The following GRHL3 variants were observed in gnomAD, a reference collection of about 807,000 sequenced individuals.
GRHL3 encodes grainyhead like transcription factor 3, also known as grainyhead-like protein 3 homolog.
GRHL3 carries 20 observed loss-of-function variants against 70.3 expected under a neutral mutation model. The observed-to-expected ratio is 0.28, with a 90% confidence interval of 0.20 to 0.41. The LOEUF (loss-of-function observed/expected upper bound fraction) is 0.41. Ranked by LOEUF, GRHL3 falls within the 10% of genes least tolerant of loss-of-function variation. GRHL3 has a pLI of 1.00. For missense variants in GRHL3, 637 were observed against 762.3 expected, an observed-to-expected ratio of 0.84 and a Z score of 1.94; for synonymous variants, 299 against 299.9, an observed-to-expected ratio of 1.00 and a Z score of 0.03.
intron 12 of GRHL3, 53 bp downstream of exon 12, chr1:24,344,984 C>T: frequency 3.8e-6 from 2 of 525,628 alleles, no homozygotes; most frequent in Non-Finnish European, 5.0e-6. Context: ...ACCCTCCACA[C>T]CTGTGCCCCC....
At chr1:24,325,424 CT>C (rs1454252412) in intron 1 of GRHL3, among the ~76,000 whole-genome samples, 1 of 152,226 alleles carries the variant, frequency 6.6e-6, no homozygotes, top group East Asian at 1.9e-4. Context: ...CCTCTGAGGT[CT>C]GTCTGCATCC....
chr1:24,363,392 C>T (rs935957618), intron 15 of GRHL3, among the ~76,000 whole-genome samples: 12 of 152,306 alleles, frequency 7.9e-5, no homozygotes, highest in African/African-American at 1.4e-4. Flanking sequence ...TACTAAGACA[C>T]GGACTTGAGT....
chr1:24,319,471 G>C lies in GRHL3; in HGVS notation c.-81G>C. On this transcript the variant is annotated 5_prime_UTR_variant, in exon 1 of 16. Transcript: ENST00000361548. ...TAAATCAAACACTTTCCCGGGCAGA[G>C]AATGTCTGTGTCAGGCAAGAATTAG... 1 of 1,376,022 alleles carries C rather than the reference G, an allele frequency of 7.3e-7. No individual in the cohort carries two copies. The highest frequency in any genetic ancestry group is 1.0e-6 in the Non-Finnish European group (1 of 963,486). 85.2% of individuals were successfully genotyped at this position (1,376,022 alleles called of 1,614,324 possible). A position where few individuals can be genotyped will look rare whatever the true frequency, so the allele number is the denominator to read the frequency against.
rs373505667 is a variant in GRHL3 at position 24,342,330 on chromosome 1, C to T, written c.1206+57C>T. 143 of 1,441,020 alleles carry T rather than the reference C, an allele frequency of 9.9e-5. No homozygotes were observed. The highest frequency in any genetic ancestry group is 1.3e-4 in the Non-Finnish European group (133 of 1,056,348). 89.3% of individuals were successfully genotyped at this position (1,441,020 alleles called of 1,614,324 possible). On this transcript the variant is annotated intron_variant, in intron 9 of 15. Coordinates refer to ENST00000361548, the MANE Select transcript of GRHL3 (RefSeq NM_198173.3). This position sits in a 1 kb window ranked among gnomAD's most constrained non-coding sequence, Gnocchi z 4.8. ...CCCGGGGAGGTAGAAGGGCCAAACC[C>T]TGACCCGTGCGTCCTCCTAGCTTCT...
chr1:24,340,682 G>A (rs1640003753), intron 8 of GRHL3, among the ~76,000 whole-genome samples: 1 of 152,210 alleles, frequency 6.6e-6, no homozygotes, highest in Admixed American at 6.5e-5. Context: ...AGAGGCTGGG[G>A]AGCTAACCCC....
intron 11 of GRHL3, among the ~76,000 whole-genome samples, chr1:24,343,938 G>T (rs1640145596): frequency 6.6e-6 from 1 of 152,178 alleles, no homozygotes; most frequent in African/African-American, 2.4e-5. Flanking sequence ...CACTGTCTGT[G>T]TCCCTCCTCT....
chr1:24,354,573 C>G lies in GRHL3; in HGVS notation c.*85C>G. 1.2e-6 allele frequency: 1 copy of G among 822,768 alleles called. No homozygotes were observed. Among genetic ancestry groups the G allele is most frequent in the Non-Finnish European group, 2.1e-6 (1 of 483,896 alleles). 51.0% of individuals were successfully genotyped at this position (822,768 alleles called of 1,614,324 possible). ...CGCCACACACAACCTCTCCACATGC[C>G]TCAGCGCTGTTACTTGAATGCCTTC... On this transcript the variant is annotated 3_prime_UTR_variant, in exon 16 of 16. Transcript: ENST00000361548.
At position 24,350,605 on chromosome 1, in the gene GRHL3, G is replaced by C. The variant is rs11249091; in HGVS notation, c.1694+483G>C. Among the ~76,000 whole-genome samples the C allele has an allele frequency of 6.3e-3, 958 of 152,334 alleles. 10 individuals are homozygous for C. Among genetic ancestry groups the C allele is most frequent in the African/African-American group, 0.022 (911 of 41,568 alleles). ...GGTAATAAGCAGTGTTCAGGGGCAG[G>C]AGAAGTGGATCAAAGGCATGAGGCA... On this transcript the variant is annotated intron_variant, in intron 15 of 15. Coordinates refer to ENST00000361548, the MANE Select transcript of GRHL3 (RefSeq NM_198173.3).
chr1:24,358,391 A>T (rs1321775703), downstream of GRHL3: 1 of 740,396 alleles, frequency 1.4e-6, no homozygotes, highest in South Asian at 1.4e-5. Context: ...CAATGGCAGC[A>T]GTCCGGCTAG....
In GRHL3 at chr1:24,342,670, A is replaced by G. The variant is rs1217438957; in HGVS notation, c.1207-24A>G. On this transcript the variant is annotated intron_variant, in intron 9 of 15. Coordinates refer to ENST00000361548, the MANE Select transcript of GRHL3 (RefSeq NM_198173.3). This position sits in a 1 kb window ranked among gnomAD's most constrained non-coding sequence, Gnocchi z 4.8. ...GCTAGCCCCTCCCAGGCCCTTGGTG[A>G]CCCTCTCTCCTTCTCCCCTGCAGGG... The G allele has an allele frequency of 6.2e-7, 1 of 1,609,898 alleles. No homozygotes were observed. Among genetic ancestry groups the G allele is most frequent in the Non-Finnish European group, 8.5e-7 (1 of 1,176,270 alleles).
chr1:24,339,089 C>T (rs955556113), intron 7 of GRHL3, among the ~76,000 whole-genome samples: 3 of 152,190 alleles, frequency 2.0e-5, no homozygotes, highest in Admixed American at 1.3e-4. Flanking sequence ...ATAACCTCTA[C>T]CCCCAACATG....
At chr1:24,319,822 A>G in intron 1 of GRHL3, 1 of 1,157,892 alleles carries the variant, frequency 8.6e-7, no homozygotes, top group Non-Finnish European at 1.2e-6. Flanking sequence ...GGGAAACACA[A>G]GACTGAAACT....
chr1:24,353,495 G>T (rs1467772474), intron 15 of GRHL3, among the ~76,000 whole-genome samples: 2 of 149,360 alleles, frequency 1.3e-5, no homozygotes, highest in African/African-American at 5.0e-5. Context: ...GTAGATGGGG[G>T]TGTGTATGGG....
exon 16 of GRHL3, chr1:24,364,305 G>C (rs1641312321): frequency 1.3e-6 from 2 of 1,549,692 alleles, no homozygotes; most frequent in Non-Finnish European, 1.7e-6. Context: ...GGAGGCAGAG[G>C]GACCTGGATT....
chr1:24,322,922 A>G lies in GRHL3; in HGVS notation c.17+3354A>G. On this transcript the variant is annotated intron_variant, in intron 1 of 15. Transcript: ENST00000361548. This position sits in a 1 kb window ranked among gnomAD's most constrained non-coding sequence, Gnocchi z 4.4. ...TGCAGTTTTGCCGAAGAGGGGACCC[A>G]GACCTGGTTCAGGCTTGCCCAAGGT... is the stretch of plus-strand genomic sequence containing the variant. 4.8e-6 allele frequency: 3 copies of G among 621,224 alleles called. No homozygotes were observed. Among genetic ancestry groups the G allele is most frequent in the Non-Finnish European group, 8.5e-6 (3 of 350,902 alleles). 38.5% of individuals were successfully genotyped at this position (621,224 alleles called of 1,614,324 possible). A position where few individuals can be genotyped will look rare whatever the true frequency, so the allele number is the denominator to read the frequency against.
intron 15 of GRHL3, chr1:24,361,010 G>T: frequency 6.2e-7 from 1 of 1,612,816 alleles, no homozygotes; most frequent in Non-Finnish European, 8.5e-7. Context: ...AGAGGCGAAG[G>T]CTGAGCAGAG....
At position 24,338,093 on chromosome 1, in the gene GRHL3, C is replaced by T; in HGVS notation, c.942C>T (p.Val314=). Residue 314 remains valine, a synonymous_variant, in exon 7 of 16, where the codon GTC becomes GTT. Coordinates refer to ENST00000361548, the MANE Select transcript of GRHL3 (RefSeq NM_198173.3). ...GGCAACCCACTGCCAAGCAGCGGGT[C>T]ATTGACGTGGGTGAGAGCCTTCTCA... The part of the protein sequence containing the change: ...HSRQPTAKQR[V]IDVADCKENF... 1 of 1,606,572 alleles carries T rather than the reference C, an allele frequency of 6.2e-7. No individual in the cohort carries two copies. The highest frequency in any genetic ancestry group is 2.2e-5 in the East Asian group (1 of 44,846).
chr1:24,361,171 A>G (rs1641088864), intron 15 of GRHL3: 2 of 780,500 alleles, frequency 2.6e-6, no homozygotes, highest in Non-Finnish European at 3.9e-6. Flanking sequence ...ACTGGGGCAG[A>G]GCCCTAGCTC....
Position 24,334,586 on chromosome 1 carries a change from T to C in GRHL3, c.205-59T>C. 7.0e-7 allele frequency: 1 copy of C among 1,424,266 alleles called. No homozygotes were observed. Among genetic ancestry groups the C allele is most frequent in the Non-Finnish European group, 9.9e-7 (1 of 1,013,388 alleles). The allele number at this position is 1,424,266 out of a possible 1,614,324, so 88.2% of individuals were successfully genotyped here. On this transcript the variant is annotated intron_variant, in intron 2 of 15. Coordinates refer to ENST00000361548, the MANE Select transcript of GRHL3 (RefSeq NM_198173.3). This position sits in a 1 kb window ranked among gnomAD's most constrained non-coding sequence, Gnocchi z 4.3. ...CCTGGCCAAAGCTGCAGGAGGGGAT[T>C]GAGGCTCCTACCAGCAGAAGCTTAG...
Sources: allele counts gnomAD v4.1 joint callset (sites outside exome capture counted in the v4.1 genomes callset), GRCh38; gene constraint gnomAD v4.1.1; non-coding constraint Gnocchi (gnomAD v3.1); transcripts MANE v1.5; gene names NCBI Gene and HGNC (gene_info 2026-07-23, HGNC 2026-07-21).